SPTLC3: variants seen among roughly 807,000 people sequenced by gnomAD.
SPTLC3 encodes the protein serine palmitoyltransferase long chain base subunit 3.
A neutral mutation model predicts 59.3 loss-of-function variants in SPTLC3; 36 were observed. The observed-to-expected ratio is 0.61, with a 90% confidence interval of 0.47 to 0.80. The LOEUF is 0.80. Among genes scored for constraint, SPTLC3 ranks in the 30% least tolerant of loss-of-function variants. SPTLC3 has a pLI of 0.00. For missense variants in SPTLC3, 625 were observed against 685.1 expected, an observed-to-expected ratio of 0.91 and a Z score of 0.98; for synonymous variants, 257 against 240.8, an observed-to-expected ratio of 1.07 and a Z score of -0.62.
intron 1 of SPTLC3, among the ~76,000 whole-genome samples, chr20:13,017,123 C>T (rs1052137043): frequency 3.3e-5 from 5 of 152,160 alleles, no homozygotes; most frequent in African/African-American, 1.2e-4. Context: ...CCAGCAGACA[C>T]AGCCTTAAAG....
chr20:13,060,296 A>T (rs1362166666), intron 2 of SPTLC3, among the ~76,000 whole-genome samples: 1 of 152,154 alleles, frequency 6.6e-6, no homozygotes, highest in Non-Finnish European at 1.5e-5. Flanking sequence ...GTGCAAGAGT[A>T]CATCTGATTA....
Position 13,169,071 on chromosome 20 carries a change from G to C in SPTLC3, c.*4204G>C, listed in dbSNP as rs1204535531. On this transcript the variant is annotated 3_prime_UTR_variant, in exon 12 of 12. Coordinates refer to ENST00000399002, the MANE Select transcript of SPTLC3 (RefSeq NM_018327.4). ...ACTTTATTGTGCCTGTAAAATGTTA[G>C]TTTTAAAATAAATAAAAATAATATG... 2.0e-5 allele frequency: 3 copies of C among 151,918 alleles called. No homozygotes were observed. Among genetic ancestry groups the C allele is most frequent in the African/African-American group, 7.3e-5 (3 of 41,350 alleles). 9.4% of individuals were successfully genotyped at this position (151,918 alleles called of 1,614,324 possible).
intron 1 of SPTLC3, among the ~76,000 whole-genome samples, chr20:13,027,209 A>G (rs1479347258): frequency 2.6e-5 from 4 of 152,166 alleles, no homozygotes; most frequent in African/African-American, 9.7e-5. Context: ...GGAGAACCCA[A>G]AATTAAGACA....
intron 6 of SPTLC3, among the ~76,000 whole-genome samples, chr20:13,103,676 C>T (rs757053077): frequency 6.6e-6 from 1 of 152,104 alleles, no homozygotes; most frequent in Non-Finnish European, 1.5e-5. Flanking sequence ...GAGTTTCAGC[C>T]CCAATCTCGC....
intron 6 of SPTLC3, among the ~76,000 whole-genome samples, chr20:13,107,826 G>T: frequency 2.1e-5 from 3 of 142,802 alleles, no homozygotes; most frequent in Admixed American, 7.1e-5. Context: ...AGATATTATT[G>T]GTAGCATACA....
intron 1 of SPTLC3, among the ~76,000 whole-genome samples, chr20:13,030,331 T>C (rs969790485): frequency 1.1e-4 from 17 of 152,212 alleles, no homozygotes; most frequent in African/African-American, 2.7e-4. Context: ...GCTGGACTCA[T>C]CAAATTTTCT....
intron 7 of SPTLC3, among the ~76,000 whole-genome samples, chr20:13,110,890 G>A (rs1990195083): frequency 6.6e-6 from 1 of 152,050 alleles, no homozygotes. Context: ...AATATTAAAA[G>A]GAAGGAAGTG....
chr20:13,072,514 A>G (rs1988482469), intron 3 of SPTLC3, 104 bp downstream of exon 3: 3 of 1,302,428 alleles, frequency 2.3e-6, no homozygotes, highest in Non-Finnish European at 2.1e-6. Context: ...CATGGAAGCC[A>G]TTGGTTTTGT....
At chr20:13,078,886 A>G (rs1244574110) in intron 4 of SPTLC3, among the ~76,000 whole-genome samples, 1 of 152,174 alleles carries the variant, frequency 6.6e-6, no homozygotes, top group Non-Finnish European at 1.5e-5. Flanking sequence ...CCTCCACTTT[A>G]CATATTTAAG....
rs1450956163 is a variant in SPTLC3 at position 13,157,008 on chromosome 20, T to C, written c.1415+2870T>C. Among the ~76,000 whole-genome samples, 3 of 152,214 alleles carry C rather than the reference T, an allele frequency of 2.0e-5. No individual in the cohort carries two copies. The East Asian group carries it at 5.8e-4, about 29-fold the overall frequency. ...TCTTGTTTCTTTCAACTTAAGATTG[T>C]TTTTTAAGAAGAGCTAATATCACAG... On this transcript the variant is annotated intron_variant, in intron 10 of 11. Transcript: ENST00000399002.
intron 1 of SPTLC3, among the ~76,000 whole-genome samples, chr20:13,009,737 C>T (rs1985133704): frequency 6.6e-6 from 1 of 152,172 alleles, no homozygotes; most frequent in South Asian, 2.1e-4. Context: ...CCTGCTACAA[C>T]CGTCATGCTT....
At chr20:13,010,113 T>C (rs778140165) in intron 1 of SPTLC3, among the ~76,000 whole-genome samples, 8 of 151,958 alleles carry the variant, frequency 5.3e-5, no homozygotes, top group Non-Finnish European at 1.0e-4. Context: ...TCGAGGAAAG[T>C]TGTCAGCTTG....
At chr20:13,110,312 G>T (rs1264728595) in intron 7 of SPTLC3, 95 bp downstream of exon 7, 8 of 1,051,004 alleles carry the variant, frequency 7.6e-6, no homozygotes, top group South Asian at 1.5e-5. Flanking sequence ...ACAGAGAAAT[G>T]ACTTAGAATT....
intron 4 of SPTLC3, among the ~76,000 whole-genome samples, chr20:13,075,898 A>T (rs1029623897): frequency 1.3e-4 from 20 of 152,208 alleles, no homozygotes; most frequent in African/African-American, 4.6e-4. Flanking sequence ...GCTGCTTGAT[A>T]CAGGCAGTGG....
intron 9 of SPTLC3, among the ~76,000 whole-genome samples, chr20:13,140,788 A>G (rs1348245696): frequency 6.6e-6 from 1 of 152,234 alleles, no homozygotes; most frequent in Non-Finnish European, 1.5e-5. Context: ...GAGAAAAGAT[A>G]AAGGAAAAAA....
chr20:13,115,399 T>C (rs1253237097), intron 7 of SPTLC3, among the ~76,000 whole-genome samples: 1 of 152,186 alleles, frequency 6.6e-6, no homozygotes, highest in Admixed American at 6.5e-5. Context: ...GGCAGGCTCC[T>C]AACATCAGCT....
intron 9 of SPTLC3, among the ~76,000 whole-genome samples, chr20:13,150,033 A>G (rs2038607518): frequency 6.6e-6 from 1 of 152,208 alleles, no homozygotes; most frequent in Non-Finnish European, 1.5e-5. Flanking sequence ...AAAGTGCTGA[A>G]TGCACACGGG....
intron 1 of SPTLC3, among the ~76,000 whole-genome samples, chr20:13,009,717 G>T (rs1568561256): frequency 6.6e-6 from 1 of 152,128 alleles, no homozygotes; most frequent in African/African-American, 2.4e-5. Context: ...ATATATTTTT[G>T]TCCAAGAGAC....
chr20:13,047,653 G>T (rs1193514860), intron 1 of SPTLC3, among the ~76,000 whole-genome samples: 1 of 152,094 alleles, frequency 6.6e-6, no homozygotes, highest in Non-Finnish European at 1.5e-5. Flanking sequence ...AGCAGATGTT[G>T]TTTGAGCTAC....
Sources: allele counts gnomAD v4.1 joint callset (sites outside exome capture counted in the v4.1 genomes callset), GRCh38; gene constraint gnomAD v4.1.1; transcripts MANE v1.5; gene names NCBI Gene and HGNC (gene_info 2026-07-23, HGNC 2026-07-21).